The following PRKN variants were observed in gnomAD, a reference collection of about 807,000 sequenced individuals.
PRKN encodes E3 ubiquitin-protein ligase parkin.
In PRKN, 56 loss-of-function variants were observed where a neutral mutation model predicts 59.5. That is an observed-to-expected ratio of 0.94 (90% CI 0.76 to 1.18). PRKN has a LOEUF of 1.18. Ranked by LOEUF, PRKN falls within the 50% of genes most tolerant of loss-of-function variation. The pLI, the probability that PRKN is intolerant of heterozygous loss-of-function variation, is 0.00. For missense variants in PRKN, 657 were observed against 596.4 expected (o/e 1.10, Z -1.06); for synonymous variants, 250 against 222.1 (o/e 1.13, Z -1.12).
chr6:162,356,747 T>TAAAAAAAAAAAAAAAAAAAAAAATAA (rs748212596), intron 2 of PRKN, among the ~76,000 whole-genome samples: 1 of 73,066 alleles, frequency 1.4e-5, no homozygotes, highest in African/African-American at 4.9e-5. Context: ...TGATTATTAG[T>TAAAAAAAAAAAAAAAAAAAAAAATAA]AAAAAAAAAA....
At chr6:161,516,957 A>G (rs185574647) in intron 9 of PRKN, among the ~76,000 whole-genome samples, 20 of 152,218 alleles carry the variant, frequency 1.3e-4, no homozygotes, top group Non-Finnish European at 2.5e-4. Context: ...TGTATGCATC[A>G]TGTTAAAAGT....
At chr6:161,971,603 T>G (rs1780811265) in intron 6 of PRKN, among the ~76,000 whole-genome samples, 1 of 152,204 alleles carries the variant, frequency 6.6e-6, no homozygotes, top group East Asian at 1.9e-4. Context: ...AAGCGCTATA[T>G]TTTAAAGGCA....
chr6:162,502,409 A>G (rs534354169), intron 1 of PRKN, among the ~76,000 whole-genome samples: 63 of 152,042 alleles, frequency 4.1e-4, no homozygotes, highest in Non-Finnish European at 3.5e-4. Context: ...CATTTCCCCA[A>G]CGCCTCCCAA....
chr6:161,955,247 G>A (rs942406059), intron 6 of PRKN, among the ~76,000 whole-genome samples: 9 of 152,046 alleles, frequency 5.9e-5, no homozygotes, highest in African/African-American at 1.4e-4. Context: ...TCAACACACC[G>A]GATGCCAGGA....
intron 9 of PRKN, among the ~76,000 whole-genome samples, chr6:161,507,174 C>T (rs1012281451): frequency 6.6e-6 from 1 of 152,174 alleles, no homozygotes; most frequent in Non-Finnish European, 1.5e-5. Context: ...GGACACCTGC[C>T]AAGGAAGGAA....
intron 7 of PRKN, among the ~76,000 whole-genome samples, chr6:161,679,847 T>C (rs980533694): frequency 7.2e-6 from 1 of 138,472 alleles, no homozygotes; most frequent in East Asian, 2.5e-4. Flanking sequence ...CTCCGCCTCC[T>C]GGGTTAACAC....
intron 7 of PRKN, among the ~76,000 whole-genome samples, chr6:161,767,407 C>T (rs1789471843): frequency 6.6e-6 from 1 of 152,102 alleles, no homozygotes; most frequent in Non-Finnish European, 1.5e-5. Context: ...GTCCCAGCTA[C>T]TCAGGAGGCT....
intron 1 of PRKN, among the ~76,000 whole-genome samples, chr6:162,584,818 CTCCCCTCCCCTG>C: frequency 1.1e-4 from 1 of 8,820 alleles, no homozygotes; most frequent in African/African-American, 1.2e-3. Flanking sequence ...CTCCCCTCCC[CTCCCCTCCCCTG>C]TCCCATCCCC....
At position 162,072,896 on chromosome 6, in the gene PRKN, G is replaced by A. The variant is rs145003749; in HGVS notation, c.535-18722C>T. 2.6e-4 allele frequency among the ~76,000 whole-genome samples: 39 copies of A among 152,270 alleles called. No individual in the cohort carries two copies. In the East Asian group the frequency reaches 7.1e-3, roughly 28 times the overall value. Reference sequence around the variant, plus strand: ...TAGTGAATATTCGATAAACGTTAGTGGGTACTGCTGAATAACCACAGTAGA... The same window carrying A: ...TAGTGAATATTCGATAAACGTTAGTAGGTACTGCTGAATAACCACAGTAGA... On this transcript the variant is annotated intron_variant, in intron 4 of 11. Transcript: ENST00000366898.
intron 1 of PRKN, among the ~76,000 whole-genome samples, chr6:162,703,367 T>C (rs1402959719): frequency 1.3e-5 from 2 of 152,168 alleles, no homozygotes; most frequent in Non-Finnish European, 2.9e-5. Context: ...ATACATTCTC[T>C]TTCTAATTCT....
At position 161,584,645 on chromosome 6, in the gene PRKN, T is replaced by C. The variant is rs1269999395; in HGVS notation, c.872-15229A>G. Reference sequence around the variant, plus strand: ...TCCAATAAAAAGTGTGCAATGAATATCTGTTTAAATAGATTTGAGATAAGC... The same window carrying C: ...TCCAATAAAAAGTGTGCAATGAATACCTGTTTAAATAGATTTGAGATAAGC... On this transcript the variant is annotated intron_variant, in intron 7 of 11. Transcript: ENST00000366898. This position sits in a 1 kb window ranked among gnomAD's most constrained non-coding sequence, Gnocchi z 4.8. Among the ~76,000 whole-genome samples, 1 of 152,192 alleles carries C rather than the reference T, an allele frequency of 6.6e-6. No individual in the cohort carries two copies. The highest frequency in any genetic ancestry group is 1.5e-5 in the Non-Finnish European group (1 of 68,038).
At chr6:162,686,978 GTTGTT>G (rs766806437) in intron 1 of PRKN, among the ~76,000 whole-genome samples, 1 of 151,976 alleles carries the variant, frequency 6.6e-6, no homozygotes, top group East Asian at 1.9e-4. Flanking sequence ...TTTGGTTGTT[GTTGTT>G]TTGTTTTGCT....
intron 1 of PRKN, among the ~76,000 whole-genome samples, chr6:162,673,623 C>A (rs1213396906): frequency 6.6e-6 from 1 of 152,114 alleles, no homozygotes; most frequent in South Asian, 2.1e-4. Context: ...TGAGTTCAAG[C>A]GATCCACCCA....
At chr6:162,334,597 ATT>A (rs1018992352) in intron 2 of PRKN, among the ~76,000 whole-genome samples, 3 of 152,212 alleles carry the variant, frequency 2.0e-5, no homozygotes, top group African/African-American at 7.2e-5. Context: ...AAGGAGATTA[ATT>A]TTGTTTTTAT....
intron 7 of PRKN, among the ~76,000 whole-genome samples, chr6:161,750,142 C>T (rs199897016): frequency 7.7e-4 from 105 of 136,974 alleles, no homozygotes; most frequent in African/African-American, 2.0e-3. Flanking sequence ...CACACACACA[C>T]ATATATAAAT....
intron 7 of PRKN, among the ~76,000 whole-genome samples, chr6:161,703,702 T>G (rs13195455): frequency 6.6e-6 from 1 of 152,094 alleles, no homozygotes; most frequent in Non-Finnish European, 1.5e-5. Flanking sequence ...CTCTCAATCC[T>G]AGGTACTTTA....
At chr6:162,117,666 C>T (rs1403229457) in intron 4 of PRKN, among the ~76,000 whole-genome samples, 6 of 152,234 alleles carry the variant, frequency 3.9e-5, no homozygotes, top group Admixed American at 2.0e-4. Flanking sequence ...GCACGAACAA[C>T]AGCCTCAAGA....
intron 4 of PRKN, among the ~76,000 whole-genome samples, chr6:162,181,253 C>T (rs1281709326): frequency 6.6e-6 from 1 of 152,170 alleles, no homozygotes; most frequent in Non-Finnish European, 1.5e-5. Context: ...TCTAAGCTTT[C>T]CAGCAAGCAT....
At chr6:161,708,016 T>G (rs1196339229) in intron 7 of PRKN, among the ~76,000 whole-genome samples, 5 of 152,208 alleles carry the variant, frequency 3.3e-5, no homozygotes, top group Non-Finnish European at 7.3e-5. Flanking sequence ...TTTTGGAGTA[T>G]GTTGCCCTCA....
Sources: gnomAD v4.1 joint callset for allele counts (sites outside exome capture counted in the v4.1 genomes callset) on GRCh38, gnomAD v4.1.1 for gene constraint, Gnocchi (gnomAD v3.1) non-coding constraint, MANE v1.5 for transcripts, NCBI Gene and HGNC (gene_info 2026-07-23, HGNC 2026-07-21) for gene names.